ZNF804B: variants seen among roughly 807,000 people sequenced by gnomAD.
ZNF804B encodes the protein zinc finger 804B.
ZNF804B carries 80 observed loss-of-function variants against 101.4 expected under a neutral mutation model. The ratio of observed to expected loss-of-function variants is 0.79; its 90% CI spans 0.66 to 0.95. ZNF804B has a LOEUF of 0.95. ZNF804B is among the 40% of genes least tolerant of loss of function. The pLI, the probability that ZNF804B is intolerant of heterozygous loss-of-function variation, is 0.00. For missense variants in ZNF804B, 1,673 were observed against 1,561.9 expected (o/e 1.07, Z -1.20); for synonymous variants, 622 against 558.8 (o/e 1.11, Z -1.59).
chr7:88,954,004 C>T (rs1562842601), intron 1 of ZNF804B, among the ~76,000 whole-genome samples: 1 of 151,662 alleles, frequency 6.6e-6, no homozygotes, highest in Non-Finnish European at 1.5e-5. Context: ...TTTCCATAGA[C>T]TACATTTGTT....
At chr7:88,893,006 G>T (rs1413343921) in intron 1 of ZNF804B, among the ~76,000 whole-genome samples, 1 of 152,114 alleles carries the variant, frequency 6.6e-6, no homozygotes. Flanking sequence ...TATTTGCAGA[G>T]TGTGTTGCCT....
chr7:89,005,520 T>G (rs1170364867), intron 1 of ZNF804B, among the ~76,000 whole-genome samples: 1 of 152,132 alleles, frequency 6.6e-6, no homozygotes, highest in East Asian at 1.9e-4. Flanking sequence ...TAACATAAAT[T>G]ACTTGAGATA....
intron 1 of ZNF804B, among the ~76,000 whole-genome samples, chr7:88,813,471 G>C (rs891001923): frequency 2.6e-5 from 4 of 151,170 alleles, no homozygotes; most frequent in Non-Finnish European, 4.4e-5. Flanking sequence ...CTCTGTGTGC[G>C]GTTTGCTAAA....
At chr7:88,995,911 TG>T (rs1161955842) in intron 1 of ZNF804B, among the ~76,000 whole-genome samples, 2 of 152,026 alleles carry the variant, frequency 1.3e-5, no homozygotes, top group Non-Finnish European at 2.9e-5. Context: ...CTCAGTTGAA[TG>T]ACATTCTGCA....
intron 1 of ZNF804B, among the ~76,000 whole-genome samples, chr7:88,889,501 T>C (rs1226495139): frequency 6.6e-6 from 1 of 152,226 alleles, no homozygotes. Context: ...TAGTGTTTCA[T>C]TGTGGTTTTA....
chr7:88,969,359 A>T (rs1793500065), intron 1 of ZNF804B, among the ~76,000 whole-genome samples: 1 of 151,604 alleles, frequency 6.6e-6, no homozygotes, highest in Non-Finnish European at 1.5e-5. Context: ...TAAGAAATTG[A>T]TGAGTATGTG....
intron 1 of ZNF804B, among the ~76,000 whole-genome samples, chr7:89,106,773 A>G (rs968570397): frequency 2.6e-5 from 4 of 152,146 alleles, no homozygotes; most frequent in African/African-American, 7.2e-5. Context: ...GATATGTTTT[A>G]GAATACAAAA....
chr7:88,963,789 A>G (rs1793420859), intron 1 of ZNF804B, among the ~76,000 whole-genome samples: 1 of 151,390 alleles, frequency 6.6e-6, no homozygotes, highest in Admixed American at 6.6e-5. Context: ...CTGACAAGAG[A>G]GTAACAATAT....
At chr7:89,105,484 C>T (rs1323182405) in intron 1 of ZNF804B, among the ~76,000 whole-genome samples, 3 of 151,984 alleles carry the variant, frequency 2.0e-5, no homozygotes, top group Non-Finnish European at 4.4e-5. Context: ...ATTCCCTACC[C>T]TTATATGCAT....
intron 1 of ZNF804B, among the ~76,000 whole-genome samples, chr7:89,169,049 T>C (rs11974688): frequency 0.048 from 7,336 of 152,140 alleles, 574 homozygotes; most frequent in African/African-American, 0.16. Flanking sequence ...GTGACTAGTG[T>C]TCAGCTCAAT....
chr7:89,288,531 A>T (rs1398705848), intron 2 of ZNF804B, among the ~76,000 whole-genome samples: 1 of 152,216 alleles, frequency 6.6e-6, no homozygotes, highest in Admixed American at 6.5e-5. Context: ...TAACGATGCA[A>T]TAATCAACAA....
intron 1 of ZNF804B, among the ~76,000 whole-genome samples, chr7:89,119,042 A>G (rs1481674402): frequency 3.3e-5 from 5 of 152,132 alleles, no homozygotes; most frequent in Non-Finnish European, 7.4e-5. Context: ...AGCCAATTGT[A>G]TCAGTTAATT....
intron 2 of ZNF804B, among the ~76,000 whole-genome samples, chr7:89,230,451 G>T (rs1789173725): frequency 6.6e-6 from 1 of 151,974 alleles, no homozygotes; most frequent in Admixed American, 6.5e-5. Context: ...GAAGAAAACA[G>T]ATTATCTGAA....
intron 1 of ZNF804B, among the ~76,000 whole-genome samples, chr7:88,826,992 A>C (rs1048707360): frequency 6.6e-6 from 1 of 152,156 alleles, no homozygotes; most frequent in African/African-American, 2.4e-5. Flanking sequence ...CATGTGGAGA[A>C]ATAAGCAGCA....
intron 1 of ZNF804B, among the ~76,000 whole-genome samples, chr7:88,789,089 T>C (rs1369302224): frequency 6.6e-6 from 1 of 152,134 alleles, no homozygotes; most frequent in South Asian, 2.1e-4. Flanking sequence ...GTCCAACCAT[T>C]GTTAGAAATT....
At chr7:89,058,028 G>C (rs1449087704) in intron 1 of ZNF804B, among the ~76,000 whole-genome samples, 1 of 152,090 alleles carries the variant, frequency 6.6e-6, no homozygotes, top group Non-Finnish European at 1.5e-5. Flanking sequence ...AGAGTCTCTT[G>C]GGGGAGGTCA....
At chr7:89,206,611 G>C (rs1788718008) in intron 1 of ZNF804B, among the ~76,000 whole-genome samples, 2 of 152,044 alleles carry the variant, frequency 1.3e-5, no homozygotes, top group East Asian at 1.9e-4. Context: ...AATTAGTCAG[G>C]CATGGTGGCT....
intron 1 of ZNF804B, among the ~76,000 whole-genome samples, chr7:89,199,804 CACAT>C (rs1038259206): frequency 6.6e-6 from 1 of 150,674 alleles, no homozygotes; most frequent in African/African-American, 2.4e-5. Flanking sequence ...TACATATACA[CACAT>C]ACATATACAT....
intron 1 of ZNF804B, among the ~76,000 whole-genome samples, chr7:88,938,593 C>G (rs1233211508): frequency 1.3e-5 from 2 of 151,994 alleles, no homozygotes; most frequent in Non-Finnish European, 2.9e-5. Flanking sequence ...ACTCCCCAGT[C>G]TCTTTAGATA....
Sources: gnomAD v4.1 joint callset for allele counts (sites outside exome capture counted in the v4.1 genomes callset) on GRCh38, gnomAD v4.1.1 for gene constraint, MANE v1.5 for transcripts, NCBI Gene and HGNC (gene_info 2026-07-23, HGNC 2026-07-21) for gene names.